Variants in DARS2 observed in about 807,000 individuals in gnomAD.
DARS2 encodes the protein aspartate--tRNA ligase, mitochondrial.
A neutral mutation model predicts 83.0 loss-of-function variants in DARS2; 63 were observed. The ratio of observed to expected loss-of-function variants is 0.76; its 90% confidence interval spans 0.62 to 0.94. The LOEUF is 0.94. Among genes scored for constraint, DARS2 ranks in the 40% least tolerant of loss-of-function variants. The pLI is 0.00. For synonymous variants in DARS2, 250 were observed against 269.3 expected (o/e 0.93, Z 0.70); for missense variants, 675 against 774.4 (o/e 0.87, Z 1.52).
At chr1:173,851,869 G>A (rs976940300) in intron 13 of DARS2, 12 of 985,224 alleles carry the variant, frequency 1.2e-5, no homozygotes, top group African/African-American at 1.7e-5. Flanking sequence ...AAAGCTAAAT[G>A]TAATCCCCCG....
chr1:173,856,749 A>G lies in DARS2; in HGVS notation c.1750+8A>G, dbSNP rs572977354. On this transcript the variant is annotated splice_region_variant and intron_variant, in intron 16 of 16. Transcript: ENST00000649689. ...ATGGAGGAATTGCCTTAGGTAAACA[A>G]CTTTTCCTTTTATAAGATAAACTGA... The G allele has an allele frequency of 1.2e-6, 2 of 1,612,914 alleles. No homozygotes were observed. Among genetic ancestry groups the G allele is most frequent in the African/African-American group, 2.7e-5 (2 of 75,018 alleles).
chr1:173,847,554 A>C (rs1386854368), intron 12 of DARS2, among the ~76,000 whole-genome samples: 1 of 152,060 alleles, frequency 6.6e-6, no homozygotes, highest in Non-Finnish European at 1.5e-5. Context: ...TTTGGCTTCT[A>C]ATTGCTTTCA....
intron 16 of DARS2, among the ~76,000 whole-genome samples, chr1:173,857,285 G>A (rs1557864569): frequency 1.3e-5 from 2 of 152,162 alleles, no homozygotes; most frequent in South Asian, 2.1e-4. Context: ...AACACTAATC[G>A]CTGTGACAAT....
At chr1:173,830,545 C>T in intron 3 of DARS2, 115 bp from the exon 4 acceptor site, 4 of 864,656 alleles carry the variant, frequency 4.6e-6, no homozygotes. Context: ...CAGCCCCAGC[C>T]TTTATGGTAA....
rs1653176890 is a variant in DARS2, at chr1:173,840,857, A to G, written c.1021-9A>G. 6.7e-7 allele frequency: 1 copy of G among 1,499,274 alleles called. No individual in the cohort carries two copies. The highest frequency in any genetic ancestry group is 9.3e-7 in the Non-Finnish European group (1 of 1,075,812). The allele number at this position is 1,499,274 out of a possible 1,614,324, so 92.9% of individuals were successfully genotyped here. A position where few individuals can be genotyped will look rare whatever the true frequency, so the allele number is the denominator to read the frequency against. ...ATTTAGTTATCTCTTTTTGTTACCC[A>G]TTTTCCAGATTATAGATATCAGTGA... On this transcript the variant is annotated splice_polypyrimidine_tract_variant and intron_variant, in intron 10 of 16. Coordinates refer to ENST00000649689, the MANE Select transcript of DARS2 (RefSeq NM_018122.5).
chr1:173,850,945 A>G (rs936895844), intron 13 of DARS2, among the ~76,000 whole-genome samples: 6 of 151,820 alleles, frequency 4.0e-5, no homozygotes, highest in African/African-American at 1.4e-4. Flanking sequence ...CTGTATAAAA[A>G]CTTAAGGGTT....
intron 7 of DARS2, among the ~76,000 whole-genome samples, chr1:173,836,427 C>T (rs1240058619): frequency 1.3e-5 from 2 of 151,678 alleles, no homozygotes; most frequent in African/African-American, 2.4e-5. Context: ...CCTGTAATCC[C>T]AGCTACTCGG....
chr1:173,834,736 T>TTTG, intron 7 of DARS2, among the ~76,000 whole-genome samples: 1 of 94,728 alleles, frequency 1.1e-5, no homozygotes, highest in African/African-American at 3.9e-5. Flanking sequence ...TTTTTTGTTT[T>TTTG]TTTTTTTTTT....
intron 14 of DARS2, 104 bp from the exon 15 acceptor site, chr1:173,853,691 G>A: frequency 1.3e-6 from 2 of 1,483,974 alleles, no homozygotes; most frequent in Admixed American, 1.7e-5. Flanking sequence ...TGTGGAGTTT[G>A]AGTTAGTAGT....
chr1:173,834,724 G>GTTT (rs1203102003), intron 7 of DARS2, among the ~76,000 whole-genome samples: 3 of 14,768 alleles, frequency 2.0e-4, no homozygotes, highest in African/African-American at 2.6e-4. Flanking sequence ...TTTCCTTTGA[G>GTTT]TTTTTTTGTT....
At chr1:173,850,613 T>TC (rs1321740364) in intron 13 of DARS2, 134 bp downstream of exon 13, 21 of 1,098,536 alleles carry the variant, frequency 1.9e-5, no homozygotes, top group Non-Finnish European at 2.7e-5. Flanking sequence ...ATCTTTTTTT[T>TC]TTTTTTTTAA....
chr1:173,826,834 G>C, intron 2 of DARS2, 48 bp downstream of exon 2: 1 of 1,366,986 alleles, frequency 7.3e-7, no homozygotes, highest in East Asian at 2.3e-5. Context: ...GGTTTTCCCA[G>C]GGCAATTCCA....
intron 7 of DARS2, 44 bp from the exon 8 acceptor site, chr1:173,836,896 T>G: frequency 6.4e-7 from 1 of 1,566,812 alleles, no homozygotes; most frequent in Non-Finnish European, 8.8e-7. Context: ...TTTGTTTTTG[T>G]TTTTTAATAA....
At chr1:173,848,993 C>A (rs190477637) in intron 12 of DARS2, among the ~76,000 whole-genome samples, 59 of 152,070 alleles carry the variant, frequency 3.9e-4, no homozygotes, top group Non-Finnish European at 7.6e-4. Context: ...TTCTTCAACT[C>A]TTCTGTTGAA....
In DARS2 at chr1:173,853,895, C is replaced by T. The variant is rs1653769673; in HGVS notation, c.1664C>T (p.Thr555Ile). The stretch of plus-strand genomic sequence containing the variant: ...GAGCTGCAGCGTTATATCCTGGCAA[C>T]CTTACTAAAGGTAACAAACATCATC... Reference protein sequence around the residue: ...NAELQRYILATLLKEDVKMLS... With the variant: ...NAELQRYILAILLKEDVKMLS... Residue 555 changes from threonine (T) to isoleucine (I), a missense_variant, in exon 15 of 17, where the codon ACC (threonine) becomes ATC (isoleucine). By Grantham distance (89) the Thr-to-Ile change is moderately conservative. Coordinates refer to ENST00000649689, the MANE Select transcript of DARS2 (RefSeq NM_018122.5). 6.2e-7 allele frequency: 1 copy of T among 1,613,312 alleles called. No individual in the cohort carries two copies. Among genetic ancestry groups the T allele is most frequent in the African/African-American group, 1.3e-5 (1 of 74,904 alleles).
chr1:173,826,279 A>G (rs948204999), intron 1 of DARS2, among the ~76,000 whole-genome samples: 4 of 152,162 alleles, frequency 2.6e-5, no homozygotes, highest in Admixed American at 2.6e-4. Context: ...CTAGTGTACA[A>G]GTGGCTGTTA....
chr1:173,827,625 C>T (rs538459790), intron 2 of DARS2, among the ~76,000 whole-genome samples: 66 of 151,676 alleles, frequency 4.4e-4, no homozygotes, highest in Non-Finnish European at 7.5e-4. Flanking sequence ...AACGAGACTC[C>T]GTCTCAGGAA....
chr1:173,844,234 A>G (rs1653334828), intron 11 of DARS2, among the ~76,000 whole-genome samples: 1 of 152,180 alleles, frequency 6.6e-6, no homozygotes, highest in Non-Finnish European at 1.5e-5. Flanking sequence ...ATTTTAAGAA[A>G]CCTCAAATAA....
intron 11 of DARS2, among the ~76,000 whole-genome samples, chr1:173,841,900 C>T (rs898406044): frequency 6.6e-6 from 1 of 152,158 alleles, no homozygotes; most frequent in African/African-American, 2.4e-5. Flanking sequence ...TCTGCAGCCT[C>T]AGTTGTCTGT....
Sources: allele counts gnomAD v4.1 joint callset (sites outside exome capture counted in the v4.1 genomes callset), GRCh38; gene constraint gnomAD v4.1.1; transcripts MANE v1.5; gene names NCBI Gene and HGNC (gene_info 2026-07-23, HGNC 2026-07-21).